GABRR3: variants seen among roughly 807,000 people sequenced by gnomAD.
GABRR3 encodes the protein gamma-aminobutyric acid receptor subunit rho-3.
A neutral mutation model predicts 43.2 loss-of-function variants in GABRR3; 29 were observed. That is an observed-to-expected ratio of 0.67 (90% CI 0.50 to 0.92). The LOEUF (loss-of-function observed/expected upper bound fraction) is 0.92, where lower values mean the gene tolerates loss of function less well. Ranked by LOEUF, GABRR3 falls within the 40% of genes least tolerant of loss-of-function variation. The pLI is 0.00. For missense variants in GABRR3, 576 were observed against 572.3 expected, an observed-to-expected ratio of 1.01 and a Z score of -0.07; for synonymous variants, 206 against 195.9, an observed-to-expected ratio of 1.05 and a Z score of -0.43.
At chr3:98,000,741 T>C (rs544068406) in intron 8 of GABRR3, 10 of 152,230 alleles carry the variant, frequency 6.6e-5, no homozygotes, top group African/African-American at 2.4e-4. Context: ...AACAATCTCC[T>C]CTCTAGATAG....
intron 3 of GABRR3, among the ~76,000 whole-genome samples, chr3:98,022,304 C>T (rs1706958183): frequency 6.6e-6 from 1 of 152,208 alleles, no homozygotes; most frequent in South Asian, 2.1e-4. Context: ...TTTATATCCT[C>T]CTGTTTCCAC....
chr3:97,988,424 C>T, intron 9 of GABRR3, among the ~76,000 whole-genome samples: 1 of 152,058 alleles, frequency 6.6e-6, no homozygotes, highest in Non-Finnish European at 1.5e-5. Context: ...ATGGTCAACA[C>T]CAGGGATACA....
chr3:98,003,661 C>A (rs922414481), intron 7 of GABRR3, among the ~76,000 whole-genome samples: 1 of 152,106 alleles, frequency 6.6e-6, no homozygotes, highest in South Asian at 2.1e-4. Flanking sequence ...TCAAGCCCAA[C>A]TTCTCCTTCT....
chr3:98,029,725 G>T lies in GABRR3; in HGVS notation c.126-4046C>A, dbSNP rs562995477. 7.9e-5 allele frequency among the ~76,000 whole-genome samples: 12 copies of T among 152,084 alleles called. No homozygotes were observed. The South Asian group carries it at 2.3e-3, about 29-fold the overall frequency. Reference sequence around the variant, plus strand: ...CAAATTTAAAAGTATTTAATTGAGGGGGTCAAGAGTGTGATACCAATTGAA... The same window carrying T: ...CAAATTTAAAAGTATTTAATTGAGGTGGTCAAGAGTGTGATACCAATTGAA... On this transcript the variant is annotated intron_variant, in intron 2 of 9. Coordinates refer to ENST00000621172, the Ensembl canonical transcript of GABRR3.
At chr3:98,028,636 G>A (rs1037297306) in intron 2 of GABRR3, among the ~76,000 whole-genome samples, 2 of 152,158 alleles carry the variant, frequency 1.3e-5, no homozygotes, top group Admixed American at 6.5e-5. Context: ...TGCCAGGTGG[G>A]ACAGAGCAAT....
chr3:97,986,259 C>T (rs1378551210), downstream of GABRR3, among the ~76,000 whole-genome samples: 1 of 152,078 alleles, frequency 6.6e-6, no homozygotes, highest in Non-Finnish European at 1.5e-5. Flanking sequence ...TGGATGATAC[C>T]ACCTCTATGT....
At chr3:98,015,676 G>C (rs1289519522) in intron 4 of GABRR3, among the ~76,000 whole-genome samples, 5 of 152,160 alleles carry the variant, frequency 3.3e-5, no homozygotes, top group Non-Finnish European at 5.9e-5. Flanking sequence ...AAAGGAAAGA[G>C]ATCCATCTAA....
intron 4 of GABRR3, among the ~76,000 whole-genome samples, chr3:98,016,236 C>T (rs189427966): frequency 8.5e-4 from 130 of 152,226 alleles, no homozygotes; most frequent in African/African-American, 2.9e-3. Flanking sequence ...TAGGTCTTGA[C>T]GGCAGATCCT....
chr3:98,024,796 G>T (rs889411405), intron 3 of GABRR3, among the ~76,000 whole-genome samples: 3 of 152,218 alleles, frequency 2.0e-5, no homozygotes, highest in African/African-American at 7.2e-5. Flanking sequence ...TTAACCTGAT[G>T]ATTTCACCAT....
chr3:98,010,148 C>T (rs551656157), intron 5 of GABRR3, among the ~76,000 whole-genome samples: 45 of 152,286 alleles, frequency 3.0e-4, no homozygotes, highest in Middle Eastern at 6.8e-3. Context: ...TAGAATGACT[C>T]GCAGAACCCA....
chr3:98,019,066 C>A (rs868637907), intron 3 of GABRR3, among the ~76,000 whole-genome samples: 13 of 150,350 alleles, frequency 8.6e-5, no homozygotes, highest in African/African-American at 2.9e-4. Flanking sequence ...GCTGAGATGG[C>A]GCCCCTGCAC....
chr3:98,010,173 C>T (rs553732585), intron 5 of GABRR3, among the ~76,000 whole-genome samples: 2 of 152,296 alleles, frequency 1.3e-5, no homozygotes, highest in African/African-American at 2.4e-5. Flanking sequence ...AGCTGTTGTA[C>T]TCTTGGTTAC....
chr3:97,986,824 C>T (rs1411696861), exon 10 of GABRR3: 2 of 1,612,626 alleles, frequency 1.2e-6, no homozygotes, highest in Non-Finnish European at 1.7e-6. Context: ...TTCTCTTTAT[C>T]CGAGATGAAT....
chr3:98,035,000 A>C lies in GABRR3; in HGVS notation c.-2-11T>G. ...AAGCCAGGACCATCTCTTCCAAAAC[A>C]AAAAAACAGAAAGGATGCAGGTGAA... On this transcript the variant is annotated splice_polypyrimidine_tract_variant and intron_variant, in intron 1 of 9. Transcript: ENST00000621172. The C allele has an allele frequency of 6.2e-7, 1 of 1,608,242 alleles. No homozygotes were observed. The highest frequency in any genetic ancestry group is 8.5e-7 in the Non-Finnish European group (1 of 1,176,664).
At chr3:98,031,256 C>T (rs886550736) in intron 2 of GABRR3, among the ~76,000 whole-genome samples, 7 of 152,140 alleles carry the variant, frequency 4.6e-5, no homozygotes, top group Non-Finnish European at 8.8e-5. Context: ...AGATCACAAG[C>T]TCAGTGAGGA....
chr3:98,007,765 T>C, exon 7 of GABRR3: 2 of 1,613,654 alleles, frequency 1.2e-6, no homozygotes, highest in Non-Finnish European at 1.7e-6. Flanking sequence ...ATGCTGTACC[T>C]GTGCTGCTAT....
intron 9 of GABRR3, 30 bp downstream of exon 9, chr3:97,992,822 A>G: frequency 6.4e-7 from 1 of 1,560,510 alleles, no homozygotes; most frequent in Admixed American, 1.8e-5. Context: ...ACATTCCCCA[A>G]GGGATCTGAT....
At chr3:98,007,230 T>G (rs1428842766) in intron 7 of GABRR3, among the ~76,000 whole-genome samples, 1 of 151,968 alleles carries the variant, frequency 6.6e-6, no homozygotes, top group African/African-American at 2.4e-5. Context: ...TGAACAAAGC[T>G]CTGACTGAAA....
At chr3:98,031,543 G>A (rs998789369) in intron 2 of GABRR3, among the ~76,000 whole-genome samples, 1 of 152,054 alleles carries the variant, frequency 6.6e-6, no homozygotes, top group Admixed American at 6.6e-5. Flanking sequence ...CCAGGAGTTT[G>A]AGTCCAGCCT....
Sources: gnomAD v4.1 joint callset for allele counts (sites outside exome capture counted in the v4.1 genomes callset) on GRCh38, gnomAD v4.1.1 for gene constraint, MANE v1.5 for transcripts, NCBI Gene and HGNC (gene_info 2026-07-23, HGNC 2026-07-21) for gene names.